Variants in WDR4 observed in about 807,000 individuals in gnomAD.
WDR4 encodes WDR4 tRNA N7-guanosine methyltransferase non-catalytic subunit.
Under a neutral mutation model 48.6 loss-of-function variants are expected in WDR4, and 47 were observed. That is an observed-to-expected ratio of 0.97 (90% CI 0.77 to 1.23). The LOEUF (loss-of-function observed/expected upper bound fraction) is 1.23, where lower values mean the gene tolerates loss of function less well. Among genes scored for constraint, WDR4 ranks in the 50% most tolerant of loss-of-function variants. The pLI, the probability that WDR4 is intolerant of heterozygous loss-of-function variation, is 0.00. For synonymous variants in WDR4, 268 were observed against 230.0 expected, an observed-to-expected ratio of 1.17 and a Z score of -1.49; for missense variants, 606 against 551.6, an observed-to-expected ratio of 1.10 and a Z score of -0.99.
At chr21:42,855,657 C>T (rs761219140) in intron 7 of WDR4, 25 bp downstream of exon 7, 14 of 1,527,400 alleles carry the variant, frequency 9.2e-6, no homozygotes, top group South Asian at 8.5e-5. Flanking sequence ...CACTCAGTCG[C>T]CCAGGAGTGA....
At chr21:42,865,314 C>T (rs542762054) in intron 3 of WDR4, among the ~76,000 whole-genome samples, 110 of 152,306 alleles carry the variant, frequency 7.2e-4, no homozygotes, top group Middle Eastern at 3.4e-3. Flanking sequence ...ACTGCACCAG[C>T]GACACAGCCC....
At chr21:42,863,331 G>C in intron 4 of WDR4, 109 bp downstream of exon 4, 5 of 1,365,450 alleles carry the variant, frequency 3.7e-6, no homozygotes, top group Middle Eastern at 2.1e-4. Context: ...ACAGGTGCCT[G>C]AGCCTTGACA....
At position 42,862,208 on chromosome 21, in the gene WDR4, C is replaced by G; in HGVS notation, c.566+74G>C. On this transcript the variant is annotated intron_variant, in intron 5 of 10. Coordinates refer to ENST00000398208, the MANE Select transcript of WDR4 (RefSeq NM_018669.6). The surrounding 1 kb of genome is among the most constrained non-coding windows in gnomAD (Gnocchi z 4.3). ...TGGGGCCTCGCCAGCTACAACGGCA[C>G]CTGCTGAGCCGCAAGCTGACGCTGT... 7.2e-7 allele frequency: 1 copy of G among 1,393,992 alleles called. No homozygotes were observed. Among genetic ancestry groups the G allele is most frequent in the African/African-American group, 1.4e-5 (1 of 70,126 alleles). The allele number at this position is 1,393,992 out of a possible 1,614,324, so 86.4% of individuals were successfully genotyped here.
the WDR4 span, among the ~76,000 whole-genome samples, chr21:42,887,294 A>ATT: frequency 2.8e-5 from 4 of 141,296 alleles, no homozygotes; most frequent in South Asian, 2.3e-4. Flanking sequence ...GCCTGGCCTA[A>ATT]TTTTTTTTTT....
downstream of WDR4, among the ~76,000 whole-genome samples, chr21:42,847,955 C>T (rs2057725539): frequency 6.6e-6 from 1 of 152,200 alleles, no homozygotes; most frequent in South Asian, 2.1e-4. Flanking sequence ...GTGAAGGAGG[C>T]CAGGCTGCTT....
chr21:42,884,266 G>A (rs1040078829), upstream of WDR4, among the ~76,000 whole-genome samples: 3 of 152,208 alleles, frequency 2.0e-5, no homozygotes, highest in Non-Finnish European at 2.9e-5. Context: ...GAATTGTTGA[G>A]TCATATGGTA....
chr21:42,848,799 C>T (rs1394702551), downstream of WDR4, among the ~76,000 whole-genome samples: 3 of 62,562 alleles, frequency 4.8e-5, no homozygotes, highest in African/African-American at 2.0e-4. Flanking sequence ...TCACGCGGCG[C>T]GCACCTCACA....
At chr21:42,888,374 C>T in the WDR4 span, among the ~76,000 whole-genome samples, 1 of 152,116 alleles carries the variant, frequency 6.6e-6, no homozygotes, top group Non-Finnish European at 1.5e-5. Flanking sequence ...GCCTAGGCAA[C>T]ATGGTGAAAC....
At chr21:42,847,840 T>C (rs1234749995), downstream of WDR4, among the ~76,000 whole-genome samples, 2 of 152,204 alleles carry the variant, frequency 1.3e-5, no homozygotes, top group Non-Finnish European at 2.9e-5. Context: ...GACCCTATTT[T>C]AGGTGAAGAT....
At chr21:42,852,402 G>A in intron 9 of WDR4, 78 bp from the exon 10 acceptor site, 1 of 1,510,202 alleles carries the variant, frequency 6.6e-7, no homozygotes, top group Non-Finnish European at 9.1e-7. Flanking sequence ...ACACATGCTG[G>A]CCAGAGAGGC....
At position 42,850,129 on chromosome 21, in the gene WDR4, G is replaced by C; in HGVS notation, c.1159C>G (p.Gln387Glu). The C allele has an allele frequency of 1.9e-6, 3 of 1,614,060 alleles. No individual in the cohort carries two copies. The highest frequency in any genetic ancestry group is 1.7e-6 in the Non-Finnish European group (2 of 1,179,978). The change falls in exon 11 of 11, where the codon CAG (glutamine) becomes GAG (glutamate). Residue 387 changes from glutamine (Q) to glutamate (E), a missense_variant. Physicochemically the swap from Gln to Glu is conservative, Grantham distance 29. Transcript: ENST00000398208. Reference protein sequence around the residue: ...ERLQQQLEKKQRRRSPPPGPD... With the variant: ...ERLQQQLEKKERRRSPPPGPD... ...CCAGGCGGGGGACTCCGGCGCCGCT[G>C]CTTCTTCTCTAGCTGCTGCTGCAGT... is the stretch of plus-strand genomic sequence containing the variant.
chr21:42,865,041 A>T (rs921088940), intron 3 of WDR4, among the ~76,000 whole-genome samples: 1 of 152,120 alleles, frequency 6.6e-6, no homozygotes, highest in African/African-American at 2.4e-5. Flanking sequence ...CGCTGTCCTC[A>T]ATGAGGCCCC....
the WDR4 span, among the ~76,000 whole-genome samples, chr21:42,890,535 CA>C: frequency 6.6e-6 from 1 of 152,038 alleles, no homozygotes; most frequent in Non-Finnish European, 1.5e-5. Flanking sequence ...GACTCCGTCT[CA>C]AAAAAAAGAA....
chr21:42,876,579 T>G, intron 2 of WDR4, 123 bp downstream of exon 2: 2 of 873,220 alleles, frequency 2.3e-6, no homozygotes, highest in East Asian at 2.6e-5. Context: ...GTGCTACTTA[T>G]CTGCACCACT....
chr21:42,862,180 G>T lies in WDR4; in HGVS notation c.566+102C>A. 1 of 1,063,798 alleles carries T rather than the reference G, an allele frequency of 9.4e-7. No individual in the cohort carries two copies. Among genetic ancestry groups the T allele is most frequent in the Non-Finnish European group, 1.4e-6 (1 of 735,566 alleles). 65.9% of individuals were successfully genotyped at this position (1,063,798 alleles called of 1,614,324 possible). A position where few individuals can be genotyped will look rare whatever the true frequency, so the allele number is the denominator to read the frequency against. The stretch of plus-strand genomic sequence containing the variant: ...CCAAGCACGGGGGCTGCTGTCACCC[G>T]CGTGGGGCCTCGCCAGCTACAACGG... On this transcript the variant is annotated intron_variant, in intron 5 of 10. Transcript: ENST00000398208. This position sits in a 1 kb window ranked among gnomAD's most constrained non-coding sequence, Gnocchi z 4.3.
chr21:42,861,620 G>A (rs1035531351), intron 5 of WDR4, among the ~76,000 whole-genome samples: 1 of 152,118 alleles, frequency 6.6e-6, no homozygotes, highest in African/African-American at 2.4e-5. Flanking sequence ...GCTATCCTGA[G>A]GCACACACCA....
intron 11 of WDR4, among the ~76,000 whole-genome samples, chr21:42,843,559 T>A (rs1049244609): frequency 2.6e-5 from 4 of 151,506 alleles, no homozygotes; most frequent in African/African-American, 9.7e-5. Context: ...TACAGGCATG[T>A]GCCACCACAC....
chr21:42,863,637 A>G (rs113408344), intron 3 of WDR4, 41 bp from the exon 4 acceptor site: 1 of 1,593,634 alleles, frequency 6.3e-7, no homozygotes, highest in South Asian at 1.1e-5. Flanking sequence ...TTCCAGGAGC[A>G]GCGCAGGGTC....
chr21:42,890,043 C>T, the WDR4 span, among the ~76,000 whole-genome samples: 1 of 151,608 alleles, frequency 6.6e-6, no homozygotes, highest in Non-Finnish European at 1.5e-5. Context: ...AACCAAGCCA[C>T]TGCACTCCAG....
Sources: gnomAD v4.1 joint callset for allele counts (sites outside exome capture counted in the v4.1 genomes callset) on GRCh38, gnomAD v4.1.1 for gene constraint, Gnocchi (gnomAD v3.1) non-coding constraint, MANE v1.5 for transcripts, NCBI Gene and HGNC (gene_info 2026-07-23, HGNC 2026-07-21) for gene names.